The following DLG2 variants were observed in gnomAD, a reference collection of about 807,000 sequenced individuals.
DLG2 encodes discs large MAGUK scaffold protein 2, also known as disks large homolog 2.
A neutral mutation model predicts 132.5 loss-of-function variants in DLG2; 45 were observed. The observed-to-expected ratio is 0.34, with a 90% CI of 0.27 to 0.44. The LOEUF (loss-of-function observed/expected upper bound fraction) is 0.44, where lower values mean the gene tolerates loss of function less well. Among genes scored for constraint, DLG2 ranks in the 20% least tolerant of loss-of-function variants. DLG2 has a pLI of 1.00. For missense variants in DLG2, 1,045 were observed against 1,196.9 expected, an observed-to-expected ratio of 0.87 and a Z score of 1.87; for synonymous variants, 424 against 419.6, an observed-to-expected ratio of 1.01 and a Z score of -0.13.
chr11:85,477,136 G>A (rs563243822), intron 3 of DLG2, among the ~76,000 whole-genome samples: 14 of 152,072 alleles, frequency 9.2e-5, no homozygotes, highest in Admixed American at 2.0e-4. Context: ...ACATGTAGTC[G>A]GCTGTTCACC....
intron 14 of DLG2, among the ~76,000 whole-genome samples, chr11:83,958,689 C>T (rs959094743): frequency 2.0e-5 from 3 of 152,116 alleles, no homozygotes; most frequent in Non-Finnish European, 2.9e-5. Flanking sequence ...GTTTGCCTCT[C>T]TTCTGAGTAA....
chr11:85,574,757 C>T (rs1206506065), intron 3 of DLG2, among the ~76,000 whole-genome samples: 1 of 152,182 alleles, frequency 6.6e-6, no homozygotes, highest in African/African-American at 2.4e-5. Flanking sequence ...TCTGCCATGA[C>T]TAAAAGCTTC....
chr11:83,665,057 G>A (rs1366809875), intron 18 of DLG2, among the ~76,000 whole-genome samples: 1 of 152,182 alleles, frequency 6.6e-6, no homozygotes, highest in Non-Finnish European at 1.5e-5. Context: ...CAATATTAAA[G>A]TATTGTTAGG....
intron 15 of DLG2, among the ~76,000 whole-genome samples, chr11:83,881,803 T>A (rs1295225975): frequency 6.6e-6 from 1 of 152,238 alleles, no homozygotes; most frequent in Non-Finnish European, 1.5e-5. Context: ...ATCTGTTTAT[T>A]CTTATTGCAT....
At chr11:84,887,228 G>C (rs1472076386) in intron 6 of DLG2, 1 of 152,164 alleles carries the variant, frequency 6.6e-6, no homozygotes, top group African/African-American at 2.4e-5. Context: ...ATCATAAATT[G>C]CTCTACAAAT....
intron 7 of DLG2, among the ~76,000 whole-genome samples, chr11:84,299,020 A>G (rs1302793032): frequency 1.3e-5 from 2 of 152,224 alleles, no homozygotes; most frequent in Admixed American, 1.3e-4. Flanking sequence ...ATAAACGTTC[A>G]CGAAAAAGGG....
At chr11:84,280,799 G>T (rs992101092) in intron 7 of DLG2, among the ~76,000 whole-genome samples, 5 of 148,404 alleles carry the variant, frequency 3.4e-5, no homozygotes, top group African/African-American at 1.2e-4. Context: ...CCTGGTTCAC[G>T]CCATTCTCCT....
chr11:84,221,231 C>A (rs886427054), intron 8 of DLG2, among the ~76,000 whole-genome samples: 5 of 151,898 alleles, frequency 3.3e-5, no homozygotes, highest in Admixed American at 2.6e-4. Context: ...TTTGGGAGGC[C>A]AAGGTGGGTG....
At chr11:84,513,100 C>G (rs2099261906) in intron 7 of DLG2, among the ~76,000 whole-genome samples, 1 of 152,018 alleles carries the variant, frequency 6.6e-6, no homozygotes, top group East Asian at 1.9e-4. Flanking sequence ...ACATGTATAC[C>G]TGCACAAACC....
intron 6 of DLG2, among the ~76,000 whole-genome samples, chr11:84,668,368 G>C (rs1434980164): frequency 6.6e-6 from 1 of 152,032 alleles, no homozygotes; most frequent in African/African-American, 2.4e-5. Flanking sequence ...TTTAAAGATA[G>C]GTTTTGTCAA....
chr11:84,449,273 G>A (rs976695317), intron 7 of DLG2, among the ~76,000 whole-genome samples: 23 of 151,588 alleles, frequency 1.5e-4, no homozygotes, highest in African/African-American at 5.6e-4. Flanking sequence ...CCTTAAAAAT[G>A]AGATCCACTA....
At chr11:83,788,491 T>C (rs1336967699) in intron 17 of DLG2, among the ~76,000 whole-genome samples, 3 of 152,222 alleles carry the variant, frequency 2.0e-5, no homozygotes, top group East Asian at 3.8e-4. Context: ...TGTTAGGCTA[T>C]ATGAATCTAA....
chr11:84,521,776 G>A (rs1156308774), intron 7 of DLG2, among the ~76,000 whole-genome samples: 2 of 152,186 alleles, frequency 1.3e-5, no homozygotes, highest in African/African-American at 2.4e-5. Flanking sequence ...ATTTCAAATA[G>A]TTTTAAATTG....
At chr11:84,315,109 A>G (rs936375797) in intron 7 of DLG2, among the ~76,000 whole-genome samples, 1 of 152,154 alleles carries the variant, frequency 6.6e-6, no homozygotes, top group African/African-American at 2.4e-5. Flanking sequence ...GGCTACCTCA[A>G]TTTGTTGCCT....
At chr11:84,222,635 T>C (rs1286621601) in intron 8 of DLG2, among the ~76,000 whole-genome samples, 2 of 152,186 alleles carry the variant, frequency 1.3e-5, no homozygotes, top group African/African-American at 4.8e-5. Flanking sequence ...TGAGTAGCAG[T>C]ATTCTGCTCT....
At chr11:83,574,782 C>T (rs970557138) in intron 19 of DLG2, among the ~76,000 whole-genome samples, 8 of 152,108 alleles carry the variant, frequency 5.3e-5, no homozygotes, top group East Asian at 3.9e-4. Context: ...TTGTCTAAAA[C>T]GATTGGATCC....
intron 4 of DLG2, 69 bp from the exon 5 acceptor site, chr11:85,154,720 T>C: frequency 1.3e-6 from 1 of 746,408 alleles, no homozygotes; most frequent in Non-Finnish European, 2.2e-6. Context: ...TTTCAAACTT[T>C]GAATATACAC....
intron 7 of DLG2, among the ~76,000 whole-genome samples, chr11:84,259,266 A>G (rs79454697): frequency 1.4e-5 from 2 of 145,724 alleles, no homozygotes; most frequent in Non-Finnish European, 1.5e-5. Flanking sequence ...GTGTCTCGAA[A>G]AAAAAAAAAA....
At chr11:85,396,714 G>T (rs921376098) in intron 3 of DLG2, among the ~76,000 whole-genome samples, 3 of 152,126 alleles carry the variant, frequency 2.0e-5, no homozygotes, top group African/African-American at 7.2e-5. Flanking sequence ...AAACTGAGAA[G>T]AAAAGGTTAG....
Sources: gnomAD v4.1 joint callset for allele counts (sites outside exome capture counted in the v4.1 genomes callset) on GRCh38, gnomAD v4.1.1 for gene constraint, MANE v1.5 for transcripts, NCBI Gene and HGNC (gene_info 2026-07-23, HGNC 2026-07-21) for gene names.